Variants in CEP128 observed in about 807,000 individuals in gnomAD.
The protein encoded by CEP128 is centrosomal protein 128kDa.
Under a neutral mutation model 156.7 loss-of-function variants are expected in CEP128, and 132 were observed. The observed-to-expected ratio is 0.84, with a 90% CI of 0.73 to 0.97. The LOEUF (loss-of-function observed/expected upper bound fraction) is 0.97. Ranked by LOEUF, CEP128 falls within the 50% of genes least tolerant of loss-of-function variation. CEP128 has a pLI of 0.00. For synonymous variants in CEP128, 469 were observed against 448.9 expected (o/e 1.04, Z -0.57); for missense variants, 1,252 against 1,281.9 (o/e 0.98, Z 0.36).
At chr14:80,813,644 A>C (rs1480108828) in intron 13 of CEP128, among the ~76,000 whole-genome samples, 2 of 152,184 alleles carry the variant, frequency 1.3e-5, no homozygotes, top group Non-Finnish European at 2.9e-5. Flanking sequence ...ATAAATTTGT[A>C]ATTTTAAAAC....
At chr14:80,862,523 C>T (rs1887561491) in intron 9 of CEP128, among the ~76,000 whole-genome samples, 1 of 152,072 alleles carries the variant, frequency 6.6e-6, no homozygotes, top group Non-Finnish European at 1.5e-5. Context: ...TTCCATTTTC[C>T]ACAGACAAAA....
At chr14:80,666,414 A>G (rs937638925) in intron 19 of CEP128, among the ~76,000 whole-genome samples, 6 of 152,222 alleles carry the variant, frequency 3.9e-5, no homozygotes, top group Admixed American at 6.5e-5. Context: ...TTTAAGAAGT[A>G]GGAAAGGACT....
intron 19 of CEP128, among the ~76,000 whole-genome samples, chr14:80,611,818 G>C (rs1181052966): frequency 6.6e-6 from 1 of 152,162 alleles, no homozygotes; most frequent in Non-Finnish European, 1.5e-5. Flanking sequence ...CCAGCAGTTT[G>C]GGAGGCCAAG....
At chr14:80,552,298 A>C (rs1476395938) in intron 21 of CEP128, among the ~76,000 whole-genome samples, 1 of 141,174 alleles carries the variant, frequency 7.1e-6, no homozygotes, top group East Asian at 2.2e-4. Flanking sequence ...TGACAGAGTG[A>C]AACTCCATCT....
chr14:80,825,587 A>T (rs1001472659), intron 13 of CEP128, among the ~76,000 whole-genome samples: 3 of 152,250 alleles, frequency 2.0e-5, no homozygotes. Context: ...CAAACTAATT[A>T]GTAATTAGTA....
chr14:80,692,558 C>A (rs1896754814), intron 19 of CEP128, among the ~76,000 whole-genome samples: 1 of 152,162 alleles, frequency 6.6e-6, no homozygotes, highest in Non-Finnish European at 1.5e-5. Context: ...TAAAAACATG[C>A]ATGGAATGTC....
intron 7 of CEP128, 74 bp from the exon 8 acceptor site, chr14:80,895,864 A>G: frequency 9.9e-7 from 1 of 1,006,146 alleles, no homozygotes. Context: ...AATGTATAAC[A>G]TGATAATTAT....
chr14:80,597,950 C>CAAAAAAAAA (rs34001813), intron 19 of CEP128, among the ~76,000 whole-genome samples: 80 of 80,058 alleles, frequency 1.0e-3, no homozygotes, highest in African/African-American at 2.8e-3. Flanking sequence ...TCCTCAGCTA[C>CAAAAAAAAA]AAAAAAAAAA....
chr14:80,806,497 A>G (rs1595431617), intron 13 of CEP128, among the ~76,000 whole-genome samples: 1 of 152,252 alleles, frequency 6.6e-6, no homozygotes, highest in East Asian at 1.9e-4. Flanking sequence ...CACATATCTC[A>G]AAGTACATTT....
At chr14:80,581,735 G>A (rs1891601904) in intron 19 of CEP128, among the ~76,000 whole-genome samples, 1 of 152,140 alleles carries the variant, frequency 6.6e-6, no homozygotes. Flanking sequence ...ATTTTTAAAG[G>A]GGTTTTGATT....
chr14:80,509,319 GT>G (rs1200060246), intron 23 of CEP128, among the ~76,000 whole-genome samples: 9 of 152,134 alleles, frequency 5.9e-5, no homozygotes, highest in African/African-American at 1.9e-4. Flanking sequence ...GTTATTGCCT[GT>G]CTTTTGGGTT....
intron 23 of CEP128, among the ~76,000 whole-genome samples, chr14:80,520,791 G>A (rs1029889895): frequency 6.6e-6 from 1 of 151,878 alleles, no homozygotes. Flanking sequence ...TGGTTCATAG[G>A]AATCAGCGCT....
At chr14:80,686,837 A>G (rs1333718678) in intron 19 of CEP128, among the ~76,000 whole-genome samples, 1 of 152,194 alleles carries the variant, frequency 6.6e-6, no homozygotes, top group Non-Finnish European at 1.5e-5. Flanking sequence ...ATTTAAAAAG[A>G]CAAAGAAGGA....
chr14:80,954,131 G>T lies in CEP128; in HGVS notation c.-172+4047C>A, dbSNP rs574953496. On this transcript the variant is annotated intron_variant, in intron 2 of 7. Transcript: ENST00000555529. ...AAAATTACGAAAAAATTAGCCGGGC[G>T]TGGTGGCGGGCGCCTGTAGTCCCAG... Among the ~76,000 whole-genome samples, 10 of 152,214 alleles carry T rather than the reference G, an allele frequency of 6.6e-5. No homozygotes were observed. The South Asian group carries it at 1.7e-3, about 25-fold the overall frequency.
chr14:80,846,120 T>C (rs1595489904), intron 9 of CEP128, among the ~76,000 whole-genome samples: 2 of 152,256 alleles, frequency 1.3e-5, no homozygotes, highest in East Asian at 3.9e-4. Context: ...TAATTTACAA[T>C]GACAATATTG....
At chr14:80,527,415 A>G (rs1889027009) in intron 22 of CEP128, among the ~76,000 whole-genome samples, 1 of 151,464 alleles carries the variant, frequency 6.6e-6, no homozygotes, top group Non-Finnish European at 1.5e-5. Flanking sequence ...TGGGTGAAAG[A>G]GCAAGGCTCT....
chr14:80,738,705 AATT>A (rs1411662425), intron 19 of CEP128, among the ~76,000 whole-genome samples: 4 of 151,974 alleles, frequency 2.6e-5, no homozygotes, highest in East Asian at 1.9e-4. Flanking sequence ...CTATTTTATT[AATT>A]ATTATTAATG....
intron 13 of CEP128, among the ~76,000 whole-genome samples, chr14:80,803,957 A>C (rs1595427625): frequency 6.6e-6 from 1 of 152,254 alleles, no homozygotes; most frequent in Middle Eastern, 3.4e-3. Context: ...TTATTGGTAT[A>C]CCATATACAT....
chr14:80,927,548 A>G (rs749551399), intron 2 of CEP128, among the ~76,000 whole-genome samples: 2 of 152,220 alleles, frequency 1.3e-5, no homozygotes, highest in Non-Finnish European at 2.9e-5. Flanking sequence ...CATGCATGAA[A>G]AGAGGTGCCT....
Sources: gnomAD v4.1 joint callset for allele counts (sites outside exome capture counted in the v4.1 genomes callset) on GRCh38, gnomAD v4.1.1 for gene constraint, MANE v1.5 for transcripts, NCBI Gene and HGNC (gene_info 2026-07-23, HGNC 2026-07-21) for gene names.